NRXN1: variants seen among roughly 807,000 people sequenced by gnomAD.
The protein encoded by NRXN1 is neurexin-1.
NRXN1 carries 39 observed loss-of-function variants against 150.9 expected under a neutral mutation model. The observed-to-expected ratio is 0.26, with a 90% CI of 0.20 to 0.34. The LOEUF (loss-of-function observed/expected upper bound fraction) is 0.34. Ranked by LOEUF, NRXN1 falls within the 10% of genes least tolerant of loss-of-function variation. NRXN1 has a pLI of 1.00. For synonymous variants in NRXN1, 924 were observed against 757.0 expected, an observed-to-expected ratio of 1.22 and a Z score of -3.62; for missense variants, 1,815 against 1,949.9, an observed-to-expected ratio of 0.93 and a Z score of 1.30.
At chr2:50,155,273 T>C (rs2152777806) in intron 18 of NRXN1, among the ~76,000 whole-genome samples, 1 of 151,722 alleles carries the variant, frequency 6.6e-6, no homozygotes, top group South Asian at 2.1e-4. Context: ...AGGGAAAATA[T>C]CTCTAGCATC....
chr2:50,026,627 C>T (rs1688320301), intron 21 of NRXN1, among the ~76,000 whole-genome samples: 1 of 152,022 alleles, frequency 6.6e-6, no homozygotes, highest in Non-Finnish European at 1.5e-5. Flanking sequence ...TTCCTGAAAA[C>T]CATTAAAATT....
intron 17 of NRXN1, among the ~76,000 whole-genome samples, chr2:50,254,508 G>C (rs2067501356): frequency 1.3e-5 from 2 of 151,248 alleles, no homozygotes; most frequent in South Asian, 4.2e-4. Flanking sequence ...TGTGATGTTA[G>C]GGTGTCAATT....
intron 17 of NRXN1, among the ~76,000 whole-genome samples, chr2:50,264,464 G>C (rs1462855280): frequency 6.6e-6 from 1 of 151,884 alleles, no homozygotes; most frequent in African/African-American, 2.4e-5. Flanking sequence ...GGTAAATTAC[G>C]GTCAGATGGG....
chr2:50,949,996 CAGG>C (rs748437554), intron 2 of NRXN1, among the ~76,000 whole-genome samples: 19 of 152,104 alleles, frequency 1.2e-4, no homozygotes, highest in Non-Finnish European at 2.2e-4. Flanking sequence ...ACTGTGAAGG[CAGG>C]AGGAGATTAA....
rs1337002486 is a variant in NRXN1, at chr2:50,696,292, T to A, written c.833-72677A>T. ...AAGACCATAAAATGTTCTATACATA[T>A]GAAAAAATGAGAATTTGAAATGTAC... On this transcript the variant is annotated intron_variant, in intron 5 of 22. Coordinates refer to ENST00000401669, the MANE Select transcript of NRXN1 (RefSeq NM_001330078.2). 2.0e-5 allele frequency: 3 copies of A among 152,006 alleles called. No individual in the cohort carries two copies. The East Asian group carries it at 5.8e-4, about 30-fold the overall frequency. 9.4% of individuals were successfully genotyped at this position (152,006 alleles called of 1,614,324 possible).
chr2:51,022,048 G>A lies in NRXN1; in HGVS notation c.772+5454C>T, dbSNP rs531892670. 1.4e-4 allele frequency among the ~76,000 whole-genome samples: 21 copies of A among 152,160 alleles called. No homozygotes were observed. The South Asian group carries it at 4.4e-3, about 32-fold the overall frequency. On this transcript the variant is annotated intron_variant, in intron 2 of 22. Coordinates refer to ENST00000401669, the MANE Select transcript of NRXN1 (RefSeq NM_001330078.2). ...CAGAGGCTCGTTGTCTTTATAAACT[G>A]AAACTTTAGGCAGGTAATGGATCAT... is the stretch of plus-strand genomic sequence containing the variant.
At chr2:50,421,510 A>AAGC (rs1379776484) in intron 17 of NRXN1, among the ~76,000 whole-genome samples, 3 of 152,278 alleles carry the variant, frequency 2.0e-5, no homozygotes, top group Non-Finnish European at 4.4e-5. Flanking sequence ...ATTATTTAGA[A>AAGC]AGCACAGACA....
chr2:50,894,330 A>C lies in NRXN1; in HGVS notation c.832+27539T>G, dbSNP rs997955915. Reference sequence around the variant, plus strand: ...ATGTCTAAAACAGTAAAATAAAACCAAAAAAAAAAACCTGACTCATTCTCA... The same window carrying C: ...ATGTCTAAAACAGTAAAATAAAACCCAAAAAAAAAACCTGACTCATTCTCA... On this transcript the variant is annotated intron_variant, in intron 5 of 22. Transcript: ENST00000401669. Among the ~76,000 whole-genome samples, 9 of 137,308 alleles carry C rather than the reference A, an allele frequency of 6.6e-5. No individual in the cohort carries two copies. In the East Asian group the frequency reaches 1.2e-3, roughly 19 times the overall value. 90.1% of individuals were successfully genotyped at this position (137,308 alleles called of 152,430 possible).
intron 17 of NRXN1, among the ~76,000 whole-genome samples, chr2:50,447,324 A>G (rs556479704): frequency 6.6e-6 from 1 of 151,642 alleles, no homozygotes; most frequent in South Asian, 2.1e-4. Flanking sequence ...TAATAAAAAT[A>G]CATAAATTAG....
At chr2:49,999,071 T>C (rs144241136) in intron 21 of NRXN1, among the ~76,000 whole-genome samples, 228 of 152,286 alleles carry the variant, frequency 1.5e-3, no homozygotes, top group African/African-American at 5.2e-3. Flanking sequence ...TCTGCTTTGG[T>C]AGCTCTGGAA....
intron 5 of NRXN1, among the ~76,000 whole-genome samples, chr2:50,717,794 T>C (rs1282147929): frequency 2.0e-5 from 3 of 152,114 alleles, no homozygotes; most frequent in Non-Finnish European, 2.9e-5. Context: ...TACTGTGCCA[T>C]TGCATGGCAG....
chr2:50,441,412 T>TA (rs1233968889), intron 17 of NRXN1, among the ~76,000 whole-genome samples: 5 of 152,156 alleles, frequency 3.3e-5, no homozygotes, highest in Admixed American at 6.5e-5. Flanking sequence ...TCTTAAAATT[T>TA]AAAAAAATTA....
chr2:50,960,698 T>C (rs538595091), intron 2 of NRXN1, among the ~76,000 whole-genome samples: 8 of 152,026 alleles, frequency 5.3e-5, no homozygotes, highest in African/African-American at 1.9e-4. Context: ...AAATGAGTGC[T>C]CAGAGTATTA....
chr2:50,776,612 G>A (rs1472428325), intron 5 of NRXN1, among the ~76,000 whole-genome samples: 4 of 148,456 alleles, frequency 2.7e-5, no homozygotes, highest in Admixed American at 1.4e-4. Flanking sequence ...AAGTATGCAT[G>A]TCATACCATA....
At chr2:50,524,277 G>A (rs529845827) in intron 12 of NRXN1, among the ~76,000 whole-genome samples, 19 of 152,132 alleles carry the variant, frequency 1.2e-4, no homozygotes, top group South Asian at 8.3e-4. Flanking sequence ...TCAGGAGTTC[G>A]AGACGAGCCC....
At chr2:50,970,107 A>G (rs1694770602) in intron 2 of NRXN1, among the ~76,000 whole-genome samples, 2 of 152,224 alleles carry the variant, frequency 1.3e-5, no homozygotes, top group East Asian at 3.9e-4. Flanking sequence ...CAAACAAGGT[A>G]TATCAGATAA....
intron 8 of NRXN1, among the ~76,000 whole-genome samples, chr2:50,581,642 TG>T (rs1319647104): frequency 6.6e-6 from 1 of 152,156 alleles, no homozygotes; most frequent in African/African-American, 2.4e-5. Context: ...GGTGAGAATT[TG>T]GAGGGATCAT....
chr2:50,319,273 T>C (rs1364428972), intron 17 of NRXN1, among the ~76,000 whole-genome samples: 2 of 152,148 alleles, frequency 1.3e-5, no homozygotes, highest in Non-Finnish European at 2.9e-5. Flanking sequence ...TATATTGTAG[T>C]TGCATTATGC....
At chr2:50,658,070 C>T (rs1050407145) in intron 5 of NRXN1, among the ~76,000 whole-genome samples, 3 of 152,032 alleles carry the variant, frequency 2.0e-5, no homozygotes, top group Admixed American at 6.6e-5. Context: ...CATTGATGTG[C>T]TCTCAGCAGA....
Sources: gnomAD v4.1 joint callset for allele counts (sites outside exome capture counted in the v4.1 genomes callset) on GRCh38, gnomAD v4.1.1 for gene constraint, MANE v1.5 for transcripts, NCBI Gene and HGNC (gene_info 2026-07-23, HGNC 2026-07-21) for gene names.